The following SPAG1 variants were observed in gnomAD, a reference collection of about 807,000 sequenced individuals.
SPAG1 encodes sperm-associated antigen 1.
In SPAG1, 69 loss-of-function variants were observed where a neutral mutation model predicts 100.5. The observed-to-expected ratio is 0.69, with a 90% CI of 0.57 to 0.84. The LOEUF (loss-of-function observed/expected upper bound fraction) is 0.84, where lower values mean the gene tolerates loss of function less well. Among genes scored for constraint, SPAG1 ranks in the 40% least tolerant of loss-of-function variants. The pLI, the probability that SPAG1 is intolerant of heterozygous loss-of-function variation, is 0.00. For synonymous variants in SPAG1, 336 were observed against 411.6 expected (o/e 0.82, Z 2.22); for missense variants, 955 against 1,133.1 (o/e 0.84, Z 2.26).
intron 10 of SPAG1, among the ~76,000 whole-genome samples, chr8:100,202,326 C>G (rs1357567197): frequency 1.3e-5 from 2 of 150,114 alleles, no homozygotes; most frequent in African/African-American, 4.9e-5. Flanking sequence ...ATCCAGTTGT[C>G]ACATCACCAT....
At chr8:100,194,399 C>G in intron 10 of SPAG1, 131 bp downstream of exon 10, 1 of 1,290,846 alleles carries the variant, frequency 7.7e-7, no homozygotes, top group Non-Finnish European at 1.1e-6. Context: ...AATTCACAAG[C>G]CAGTTTCGCT....
chr8:100,190,663 C>CTTTTTTTTTT (rs758612610), intron 8 of SPAG1, among the ~76,000 whole-genome samples: 10 of 111,800 alleles, frequency 8.9e-5, no homozygotes, highest in Non-Finnish European at 1.1e-4. Flanking sequence ...CTTTTTTTTT[C>CTTTTTTTTTT]TTTTTTTTTT....
intron 7 of SPAG1, 108 bp downstream of exon 7, chr8:100,184,841 T>A: frequency 1.5e-6 from 1 of 657,860 alleles, no homozygotes; most frequent in Non-Finnish European, 2.6e-6. Flanking sequence ...TCTCTCAATG[T>A]ATTGTACTTG....
chr8:100,225,092 C>G, intron 13 of SPAG1, 81 bp from the exon 14 acceptor site: 2 of 1,199,814 alleles, frequency 1.7e-6, no homozygotes, highest in Non-Finnish European at 2.4e-6. Flanking sequence ...ATAGCATTTG[C>G]AAATTTTATT....
At chr8:100,237,747 T>A (rs543822711) in intron 16 of SPAG1, among the ~76,000 whole-genome samples, 1 of 152,162 alleles carries the variant, frequency 6.6e-6, no homozygotes, top group East Asian at 1.9e-4. Flanking sequence ...TTCATGCTTG[T>A]CTGCAGTGCT....
At chr8:100,240,352 T>C (rs748824456) in intron 17 of SPAG1, 51 bp from the exon 18 acceptor site, 2 of 1,517,632 alleles carry the variant, frequency 1.3e-6, no homozygotes, top group East Asian at 2.3e-5. Flanking sequence ...TTAGGATGTA[T>C]GTGGTGATTG....
chr8:100,200,957 G>A (rs181807194), intron 10 of SPAG1, among the ~76,000 whole-genome samples: 52 of 151,914 alleles, frequency 3.4e-4, no homozygotes, highest in African/African-American at 1.2e-3. Context: ...ATTTTTATAT[G>A]AAGTCCAATT....
chr8:100,170,845 ATTTATTTT>A (rs1554649519), intron 3 of SPAG1, among the ~76,000 whole-genome samples: 1 of 131,284 alleles, frequency 7.6e-6, no homozygotes, highest in African/African-American at 3.2e-5. Context: ...TTATTTATTT[ATTTATTTT>A]TTACTTGCTT....
chr8:100,238,175 G>C (rs78817354), intron 16 of SPAG1, among the ~76,000 whole-genome samples: 271 of 152,280 alleles, frequency 1.8e-3, no homozygotes, highest in South Asian at 7.7e-3. Context: ...TATAAATACA[G>C]TGTCATTTTT....
rs1563768446 is a variant in SPAG1, at chr8:100,165,988, C to G, written c.300+15C>G. 6.3e-7 allele frequency: 1 copy of G among 1,584,530 alleles called. No individual in the cohort carries two copies. The highest frequency in any genetic ancestry group is 8.6e-7 in the Non-Finnish European group (1 of 1,162,224). On this transcript the variant is annotated intron_variant, in intron 3 of 18. Transcript: ENST00000388798. ...GTGATATAAAGGTATATAGTAATAC[C>G]AATTTTCCATAGATATTGTTGAGAC...
intron 14 of SPAG1, among the ~76,000 whole-genome samples, chr8:100,229,705 A>G (rs546805847): frequency 6.6e-6 from 1 of 152,256 alleles, no homozygotes; most frequent in Non-Finnish European, 1.5e-5. Context: ...GCAGGGTATC[A>G]GCCATGTTCA....
intron 3 of SPAG1, among the ~76,000 whole-genome samples, chr8:100,176,165 T>A (rs2132234549): frequency 6.6e-6 from 1 of 152,324 alleles, no homozygotes; most frequent in East Asian, 1.9e-4. Flanking sequence ...TGCCTTTTGG[T>A]TGGGAGAAGG....
At chr8:100,235,047 C>A (rs1223184172) in intron 16 of SPAG1, among the ~76,000 whole-genome samples, 1 of 152,116 alleles carries the variant, frequency 6.6e-6, no homozygotes. Flanking sequence ...TATAACAAAG[C>A]GCCATAGACT....
Position 100,177,808 on chromosome 8 carries a change from A to T in SPAG1, c.301-8A>T. ...AAACTATATATTTACCCTTTTCTCT[A>T]TTCTCAGAGTTGGGTATCAGAAATT... On this transcript the variant is annotated splice_polypyrimidine_tract_variant and splice_region_variant and intron_variant, in intron 3 of 18. Transcript: ENST00000388798. 6.9e-7 allele frequency: 1 copy of T among 1,448,488 alleles called. No individual in the cohort carries two copies. Among genetic ancestry groups the T allele is most frequent in the Non-Finnish European group, 9.6e-7 (1 of 1,037,120 alleles). The allele number at this position is 1,448,488 out of a possible 1,614,324, so 89.7% of individuals were successfully genotyped here.
chr8:100,217,029 C>G (rs1316817956), intron 12 of SPAG1, among the ~76,000 whole-genome samples: 1 of 149,150 alleles, frequency 6.7e-6, no homozygotes, highest in Non-Finnish European at 1.5e-5. Flanking sequence ...CTCTGCCTCC[C>G]AGGTTCAAGT....
chr8:100,240,267 T>C (rs1819197875), intron 17 of SPAG1, 136 bp from the exon 18 acceptor site: 16 of 748,478 alleles, frequency 2.1e-5, no homozygotes, highest in Non-Finnish European at 2.4e-5. Flanking sequence ...AAAAAATTAT[T>C]ACAAAGTTTT....
intron 7 of SPAG1, among the ~76,000 whole-genome samples, chr8:100,185,885 G>A (rs965377679): frequency 1.3e-5 from 2 of 152,094 alleles, no homozygotes; most frequent in South Asian, 4.1e-4. Flanking sequence ...GTGGATGTCA[G>A]CCTTGATAAC....
At chr8:100,226,652 G>C (rs543905967) in intron 14 of SPAG1, among the ~76,000 whole-genome samples, 3 of 152,018 alleles carry the variant, frequency 2.0e-5, no homozygotes, top group Non-Finnish European at 4.4e-5. Context: ...GCAGTGAGCT[G>C]TGATGGTGTC....
rs750153561 is a variant in SPAG1 at position 100,202,709 on chromosome 8, CAAAAAAAA to C, written c.1096+8463_1096+8470del. On this transcript the variant is annotated intron_variant, in intron 10 of 18. Coordinates refer to ENST00000388798, the MANE Select transcript of SPAG1 (RefSeq NM_003114.5). ...TGGGCGACAGAGCGAGACTCCGTCT[CAAAAAAAA>C]AAAAAAAAAAAAAAAAAAAAAGAAT... Among the ~76,000 whole-genome samples, 12 of 27,460 alleles carry C rather than the reference CAAAAAAAA, an allele frequency of 4.4e-4. No individual in the cohort carries two copies. The South Asian group carries it at 8.6e-3, about 20-fold the overall frequency. The allele number at this position is 27,460 out of a possible 152,430, so 18.0% of individuals were successfully genotyped here. A position where few individuals can be genotyped will look rare whatever the true frequency, so the allele number is the denominator to read the frequency against.
Sources: gnomAD v4.1 joint callset for allele counts (sites outside exome capture counted in the v4.1 genomes callset) on GRCh38, gnomAD v4.1.1 for gene constraint, MANE v1.5 for transcripts, NCBI Gene and HGNC (gene_info 2026-07-23, HGNC 2026-07-21) for gene names.